The following PLCH2 variants were observed in gnomAD, a reference collection of about 807,000 sequenced individuals.
The protein encoded by PLCH2 is phospholipase C eta 2, also known as 1-phosphatidylinositol 4,5-bisphosphate phosphodiesterase eta-2.
In PLCH2, 98 loss-of-function variants were observed where a neutral mutation model predicts 134.7. The observed-to-expected ratio is 0.73, with a 90% CI of 0.62 to 0.86. The LOEUF (loss-of-function observed/expected upper bound fraction) is 0.86. Among genes scored for constraint, PLCH2 ranks in the 40% least tolerant of loss-of-function variants. The probability of loss-of-function intolerance (pLI) is 0.00; values close to 1 mark genes in which losing one functional copy is unlikely to be tolerated. For missense variants in PLCH2, 1,994 were observed against 1,986.6 expected (o/e 1.00, Z -0.07); for synonymous variants, 974 against 827.5 (o/e 1.18, Z -3.04).
In PLCH2 at chr1:2,498,529, T is replaced by C; in HGVS notation, c.2231T>C (p.Phe744Ser). ...LKPGCMCQGVFNPNSEDPLPG... is the reference protein window; with the variant it reads ...LKPGCMCQGVSNPNSEDPLPG... ...CTCCCCGGCATCCCCTCAGGCGTGT[T>C]CAACCCCAACTCGGAGGACCCCCTG... Residue 744 changes from phenylalanine to serine, a missense_variant, in exon 17 of 22, where the codon TTC becomes TCC. This residue lies in a region of PLCH2 where 1,094 missense variants were observed against 1,234.3 expected (regional missense o/e 0.89). Transcript: ENST00000378486. The surrounding 1 kb of genome is among the most constrained non-coding windows in gnomAD (Gnocchi z 5.4). 1.2e-6 allele frequency: 2 copies of C among 1,608,008 alleles called. No homozygotes were observed. The highest frequency in any genetic ancestry group is 1.7e-6 in the Non-Finnish European group (2 of 1,178,948).
chr1:2,495,305 C>T (rs1009841443), intron 12 of PLCH2, among the ~76,000 whole-genome samples, 183 bp from the exon 13 acceptor site: 1 of 152,174 alleles, frequency 6.6e-6, no homozygotes, highest in African/African-American at 2.4e-5. Context: ...TGAGAGTCTG[C>T]CAGAGCCCAG....
chr1:2,434,307 G>A (rs1296964276), intron 2 of PLCH2, among the ~76,000 whole-genome samples: 2 of 152,176 alleles, frequency 1.3e-5, no homozygotes, highest in East Asian at 1.9e-4. Flanking sequence ...CAGGACACAC[G>A]GACTCACCTT....
Position 2,499,165 on chromosome 1 carries a change from A to AC in PLCH2, c.2518dup (p.His840ProfsTer7), listed in dbSNP as rs1476368276. ...GCGCTGGTCCGCTTCCTCGTCTGGG[A>AC]CCACGATCCCATCGGGCGTGACTTC... is the stretch of plus-strand genomic sequence containing the variant. On this transcript the variant is annotated frameshift_variant, in exon 19 of 22. Coordinates refer to ENST00000378486, the MANE Select transcript of PLCH2 (RefSeq NM_014638.4). LOFTEE classifies it high-confidence loss of function. The AC allele has an allele frequency of 6.2e-7, 1 of 1,613,062 alleles. No homozygotes were observed. Among genetic ancestry groups the AC allele is most frequent in the Non-Finnish European group, 8.5e-7 (1 of 1,179,810 alleles).
intron 5 of PLCH2, among the ~76,000 whole-genome samples, chr1:2,485,588 G>T (rs1007670886): frequency 6.7e-6 from 1 of 150,286 alleles, no homozygotes; most frequent in Middle Eastern, 3.4e-3. Context: ...CCACTCTACT[G>T]GCCTCAGCCT....
chr1:2,479,099 C>T (rs1012732431), intron 2 of PLCH2: 12 of 173,552 alleles, frequency 6.9e-5, no homozygotes, highest in South Asian at 1.5e-4. Context: ...ACACAGGGAA[C>T]GGGTAGGGTC....
upstream of PLCH2, among the ~76,000 whole-genome samples, chr1:2,421,842 C>T (rs1470452882): frequency 2.0e-5 from 3 of 149,904 alleles, no homozygotes; most frequent in Non-Finnish European, 4.4e-5. Flanking sequence ...GGCGTGGTGG[C>T]GCATGCCTGT....
Position 2,497,030 on chromosome 1 carries a change from G to T in PLCH2, c.2116+20G>T. On this transcript the variant is annotated intron_variant, in intron 15 of 21. Coordinates refer to ENST00000378486, the MANE Select transcript of PLCH2 (RefSeq NM_014638.4). ...AAATGGGTGGGTGCGGGCATGGTGC[G>T]CTGGGTGTGGTGGGGAGGGCTCGGC... 2 of 1,606,128 alleles carry T rather than the reference G, an allele frequency of 1.2e-6. No individual in the cohort carries two copies. The highest frequency in any genetic ancestry group is 8.5e-7 in the Non-Finnish European group (1 of 1,176,236).
At position 2,439,366 on chromosome 1, in the gene PLCH2, C is replaced by T. The variant is rs1384190875; in HGVS notation, c.115+8737C>T. Among the ~76,000 whole-genome samples, 1 of 152,054 alleles carries T rather than the reference C, an allele frequency of 6.6e-6. No homozygotes were observed. The highest frequency in any genetic ancestry group is 1.5e-5 in the Non-Finnish European group (1 of 67,984). ...ACCCCAGTGCTGGCCAGACCTGGTCCCCGACCCCAGGGCTGCCCCCGGGTT... is the reference window on the plus strand; with the variant it reads ...ACCCCAGTGCTGGCCAGACCTGGTCTCCGACCCCAGGGCTGCCCCCGGGTT... On this transcript the variant is annotated intron_variant, in intron 2 of 3. Transcript: ENST00000609981. The surrounding 1 kb of genome is among the most constrained non-coding windows in gnomAD (Gnocchi z 4.7).
At chr1:2,502,863 C>T (rs1434283500) in intron 21 of PLCH2, 3 of 717,204 alleles carry the variant, frequency 4.2e-6, no homozygotes, top group Non-Finnish European at 7.8e-6. Context: ...GCCTTGTTTG[C>T]TCAAAAGCTG....
upstream of PLCH2, among the ~76,000 whole-genome samples, chr1:2,473,077 C>T (rs1462737193): frequency 6.6e-6 from 1 of 152,120 alleles, no homozygotes; most frequent in Non-Finnish European, 1.5e-5. Context: ...AGATCGATCT[C>T]CGCCATAAAA....
intron 5 of PLCH2, 34 bp from the exon 6 acceptor site, chr1:2,486,873 G>A: frequency 2.6e-6 from 4 of 1,540,572 alleles, no homozygotes; most frequent in Admixed American, 3.7e-5. Context: ...GCCAGGGATG[G>A]GCTGCCTGGA....
At chr1:2,496,506 T>G (rs1642893251) in intron 13 of PLCH2, 101 bp from the exon 14 acceptor site, 1 of 964,832 alleles carries the variant, frequency 1.0e-6, no homozygotes, top group Non-Finnish European at 1.6e-6. Context: ...GCCTGCTGCG[T>G]GAATTAATGA....
chr1:2,472,508 G>C (rs1009580364), upstream of PLCH2, among the ~76,000 whole-genome samples: 1 of 152,148 alleles, frequency 6.6e-6, no homozygotes, highest in Non-Finnish European at 1.5e-5. Context: ...ATGCCTCACT[G>C]CTGCTGAGGT....
chr1:2,456,515 G>A (rs1026141178), intron 2 of PLCH2, among the ~76,000 whole-genome samples: 6 of 152,262 alleles, frequency 3.9e-5, no homozygotes, highest in Non-Finnish European at 8.8e-5. Flanking sequence ...ACCGCTGCCG[G>A]TGCTTCTGGG....
chr1:2,503,147 G>A (rs994806965), intron 21 of PLCH2: 9 of 648,216 alleles, frequency 1.4e-5, no homozygotes, highest in African/African-American at 7.1e-5. Flanking sequence ...TTTGAGGCCC[G>A]ACAGGCTGGG....
chr1:2,432,508 A>G (rs759586600), intron 2 of PLCH2, among the ~76,000 whole-genome samples: 9 of 152,184 alleles, frequency 5.9e-5, no homozygotes, highest in Non-Finnish European at 1.0e-4. Context: ...AGCTTGATCC[A>G]GCTCCTGGGG....
At chr1:2,479,684 G>A (rs1641844035) in intron 2 of PLCH2, 50 bp from the exon 3 acceptor site, 2 of 1,501,344 alleles carry the variant, frequency 1.3e-6, no homozygotes, top group South Asian at 1.3e-5. Context: ...GCCAGCAGGG[G>A]GACGCTGGGC....
Position 2,503,956 on chromosome 1 carries a change from C to T in PLCH2, c.2994C>T (p.Pro998=). The T allele has an allele frequency of 6.9e-7, 1 of 1,452,452 alleles. No homozygotes were observed. Among genetic ancestry groups the T allele is most frequent in the Non-Finnish European group, 9.4e-7 (1 of 1,059,452 alleles). The allele number at this position is 1,452,452 out of a possible 1,614,324, so 90.0% of individuals were successfully genotyped here. A position where few individuals can be genotyped will look rare whatever the true frequency, so the allele number is the denominator to read the frequency against. The change falls in exon 22 of 22, where the codon CCC becomes CCT. Residue 998 remains proline (P), a synonymous_variant. Transcript: ENST00000378486. ...CCCTCTCCACGCAGCGGCCACTCCC[C>T]CCACTGTGCAGCCTGGAAACCATCG... ...TRPLSTQRPL[P]PLCSLETIAE...
At chr1:2,464,564 G>A (rs1422019338), upstream of PLCH2, among the ~76,000 whole-genome samples, 1 of 152,188 alleles carries the variant, frequency 6.6e-6, no homozygotes, top group Non-Finnish European at 1.5e-5. Flanking sequence ...GAGATGAGAC[G>A]TGAAGGAACT....
Sources: gnomAD v4.1 joint callset for allele counts (sites outside exome capture counted in the v4.1 genomes callset) on GRCh38, gnomAD v4.1.1 for gene constraint, gnomAD v4.1.1 regional missense constraint, Gnocchi (gnomAD v3.1) non-coding constraint, MANE v1.5 for transcripts, NCBI Gene and HGNC (gene_info 2026-07-23, HGNC 2026-07-21) for gene names.